Variants in SIPA1L1 observed in about 807,000 individuals in gnomAD.
SIPA1L1 encodes signal induced proliferation associated 1 like 1, also known as signal-induced proliferation-associated 1-like protein 1.
Under a neutral mutation model 162.7 loss-of-function variants are expected in SIPA1L1, and 26 were observed. That is an observed-to-expected ratio of 0.16 (90% confidence interval 0.12 to 0.22). SIPA1L1 has a LOEUF of 0.22. Ranked by LOEUF, SIPA1L1 falls within the 10% of genes least tolerant of loss-of-function variation. SIPA1L1 has a pLI of 1.00. For synonymous variants in SIPA1L1, 829 were observed against 837.4 expected (o/e 0.99, Z 0.17); for missense variants, 1,874 against 2,241.0 (o/e 0.84, Z 3.31).
chr14:71,619,610 C>T (rs1475952209), intron 6 of SIPA1L1, among the ~76,000 whole-genome samples: 10 of 151,706 alleles, frequency 6.6e-5, no homozygotes, highest in Admixed American at 3.9e-4. Context: ...TCTTTGTAAA[C>T]TTGTATAATT....
At chr14:71,333,505 G>A (rs1266758820) in intron 2 of SIPA1L1, among the ~76,000 whole-genome samples, 1 of 152,206 alleles carries the variant, frequency 6.6e-6, no homozygotes, top group African/African-American at 2.4e-5. Context: ...TAAAATGTAA[G>A]AATTTCCTCC....
chr14:71,461,082 G>C lies in SIPA1L1; in HGVS notation c.-464-51661G>C, dbSNP rs1595578411. ...GGATAAGGCATTCCATGAGTCTACA[G>C]ATAGTAGTCTTGGCAGAAGCATTGC... On this transcript the variant is annotated intron_variant, in intron 2 of 23. Coordinates refer to ENST00000381232, the MANE Select transcript of SIPA1L1 (RefSeq NM_001386936.1). 2.0e-5 allele frequency among the ~76,000 whole-genome samples: 3 copies of C among 152,312 alleles called. No individual in the cohort carries two copies. In the East Asian group the frequency reaches 5.8e-4, roughly 29 times the overall value.
chr14:71,610,200 A>G (rs2038046817), intron 5 of SIPA1L1, among the ~76,000 whole-genome samples: 1 of 152,230 alleles, frequency 6.6e-6, no homozygotes, highest in African/African-American at 2.4e-5. Flanking sequence ...AATTGATGAA[A>G]ACACTAAATT....
At chr14:71,480,367 G>A (rs2048252544) in intron 2 of SIPA1L1, among the ~76,000 whole-genome samples, 1 of 151,170 alleles carries the variant, frequency 6.6e-6, no homozygotes, top group Non-Finnish European at 1.5e-5. Context: ...GGGATTACAG[G>A]CGTGAGCCAC....
intron 2 of SIPA1L1, among the ~76,000 whole-genome samples, chr14:71,424,733 T>C (rs2043437695): frequency 6.6e-6 from 1 of 152,070 alleles, no homozygotes; most frequent in Non-Finnish European, 1.5e-5. Context: ...CCAATTTTCT[T>C]GTAGTATCTT....
chr14:71,645,324 A>G (rs1039981829), intron 7 of SIPA1L1, among the ~76,000 whole-genome samples: 4 of 152,080 alleles, frequency 2.6e-5, no homozygotes, highest in East Asian at 1.9e-4. Context: ...TCTATAATCT[A>G]TGCTCCCCTT....
intron 5 of SIPA1L1, among the ~76,000 whole-genome samples, chr14:71,617,748 A>C (rs779751242): frequency 1.3e-5 from 2 of 152,190 alleles, no homozygotes; most frequent in Non-Finnish European, 2.9e-5. Context: ...ATATTATGTC[A>C]CAATCCAGTC....
intron 2 of SIPA1L1, among the ~76,000 whole-genome samples, chr14:71,479,572 TA>T (rs1317726435): frequency 1.3e-5 from 2 of 151,932 alleles, no homozygotes; most frequent in Admixed American, 1.3e-4. Flanking sequence ...ATTTATTTTT[TA>T]TTTTTTTTAT....
At chr14:71,374,100 A>G (rs1196221452) in intron 2 of SIPA1L1, among the ~76,000 whole-genome samples, 1 of 152,198 alleles carries the variant, frequency 6.6e-6, no homozygotes, top group Non-Finnish European at 1.5e-5. Context: ...AAGAACTGAA[A>G]TAGAATGCCT....
Position 71,461,055 on chromosome 14 carries a change from G to A in SIPA1L1, c.-464-51688G>A, listed in dbSNP as rs992714346. 9.2e-5 allele frequency among the ~76,000 whole-genome samples: 14 copies of A among 152,212 alleles called. 1 individual carries two copies. Among genetic ancestry groups the A allele is most frequent in the Admixed American group, 9.2e-4 (14 of 15,290 alleles). ...CAATGGTGTGTGGAATACCATGTTG[G>A]TGGATAAGGCATTCCATGAGTCTAC... is the stretch of plus-strand genomic sequence containing the variant. On this transcript the variant is annotated intron_variant, in intron 2 of 23. Transcript: ENST00000381232.
chr14:71,691,622 C>G (rs2081261809), intron 13 of SIPA1L1, among the ~76,000 whole-genome samples: 1 of 152,000 alleles, frequency 6.6e-6, no homozygotes, highest in Non-Finnish European at 1.5e-5. Flanking sequence ...GTGGACTTGC[C>G]TTTCCCTTTT....
chr14:71,624,263 T>G (rs752551368), intron 7 of SIPA1L1, 27 bp downstream of exon 7: 1 of 1,575,912 alleles, frequency 6.3e-7, no homozygotes, highest in South Asian at 1.1e-5. Context: ...GAGGAGAGCA[T>G]TCTTGCTCAG....
chr14:71,442,135 T>C (rs2044922309), intron 2 of SIPA1L1, among the ~76,000 whole-genome samples: 1 of 134,214 alleles, frequency 7.5e-6, no homozygotes, highest in Non-Finnish European at 1.5e-5. Context: ...ATCGCGTCAC[T>C]GTACTCCAGC....
intron 2 of SIPA1L1, among the ~76,000 whole-genome samples, chr14:71,429,175 G>A (rs958826704): frequency 6.6e-6 from 1 of 152,048 alleles, no homozygotes; most frequent in Non-Finnish European, 1.5e-5. Context: ...TTTTGTTTTT[G>A]TGGGACATTT....
intron 3 of SIPA1L1, among the ~76,000 whole-genome samples, chr14:71,519,683 A>G (rs1436590317): frequency 6.6e-6 from 1 of 150,750 alleles, no homozygotes; most frequent in African/African-American, 2.4e-5. Flanking sequence ...AAAAAAAAAA[A>G]TAGCCAGACA....
intron 2 of SIPA1L1, among the ~76,000 whole-genome samples, chr14:71,344,158 T>C (rs554296242): frequency 6.6e-6 from 1 of 152,342 alleles, no homozygotes; most frequent in Non-Finnish European, 1.5e-5. Context: ...TCCCTCATTT[T>C]TGTAGTTCAG....
At chr14:71,697,653 T>C (rs796195790) in intron 13 of SIPA1L1, among the ~76,000 whole-genome samples, 3 of 152,342 alleles carry the variant, frequency 2.0e-5, no homozygotes, top group African/African-American at 7.2e-5. Flanking sequence ...AAACCTGGGC[T>C]CTCAAGTCAG....
chr14:71,671,173 A>C lies in SIPA1L1; in HGVS notation c.2310A>C (p.Lys770Asn), dbSNP rs754362599. The change falls in exon 11 of 24, where the codon AAA becomes AAC. Residue 770 changes from lysine (K) to asparagine (N), a missense_variant. Physicochemically the swap from Lys to Asn is moderately conservative, Grantham distance 94. Coordinates refer to ENST00000381232, the MANE Select transcript of SIPA1L1 (RefSeq NM_001386936.1). ...CTTCCTTTGGGCCTCCCATTCCTAAAGGGGTCACTTTCCCTAAGTCAAATG... is the reference window on the plus strand; with the variant it reads ...CTTCCTTTGGGCCTCCCATTCCTAACGGGGTCACTTTCCCTAAGTCAAATG... Reference protein sequence around the residue: ...DVPSFGPPIPKGVTFPKSNVF... With the variant: ...DVPSFGPPIPNGVTFPKSNVF... 2 of 1,613,972 alleles carry C rather than the reference A, an allele frequency of 1.2e-6. No homozygotes were observed. The highest frequency in any genetic ancestry group is 1.7e-6 in the Non-Finnish European group (2 of 1,179,894).
intron 13 of SIPA1L1, among the ~76,000 whole-genome samples, chr14:71,686,938 T>C (rs2080912228): frequency 6.6e-6 from 1 of 152,138 alleles, no homozygotes. Flanking sequence ...AGGAAAACGG[T>C]TCCCAGATAC....
Sources: gnomAD v4.1 joint callset for allele counts (sites outside exome capture counted in the v4.1 genomes callset) on GRCh38, gnomAD v4.1.1 for gene constraint, MANE v1.5 for transcripts, NCBI Gene and HGNC (gene_info 2026-07-23, HGNC 2026-07-21) for gene names.